The following GCNT1 variants were observed in gnomAD, a reference collection of about 807,000 sequenced individuals.
GCNT1 encodes the protein beta-1,3-galactosyl-O-glycosyl-glycoprotein beta-1,6-N-acetylglucosaminyltransferase.
Under a neutral mutation model 26.2 loss-of-function variants are expected in GCNT1, and 16 were observed. The observed-to-expected ratio is 0.61, with a 90% CI of 0.41 to 0.93. GCNT1 has a LOEUF of 0.93. GCNT1 is among the 40% of genes least tolerant of loss of function. The pLI is 0.00. For synonymous variants in GCNT1, 183 were observed against 190.8 expected (o/e 0.96, Z 0.34); for missense variants, 477 against 526.7 (o/e 0.91, Z 0.92).
intron 2 of GCNT1, among the ~76,000 whole-genome samples, chr9:76,476,489 C>G (rs1320920947): frequency 3.3e-5 from 5 of 150,552 alleles, no homozygotes; most frequent in African/African-American, 1.2e-4. Context: ...TCAAAGTAGA[C>G]AATGAGATCT....
chr9:76,487,464 T>A (rs1824610112), intron 2 of GCNT1, among the ~76,000 whole-genome samples: 2 of 152,266 alleles, frequency 1.3e-5, no homozygotes, highest in South Asian at 4.1e-4. Context: ...GGGCAATAGG[T>A]TGGTGACCCA....
chr9:76,496,278 G>C (rs181064259), intron 2 of GCNT1, among the ~76,000 whole-genome samples: 172 of 152,242 alleles, frequency 1.1e-3, no homozygotes, highest in Non-Finnish European at 1.9e-3. Context: ...TGGATACTTT[G>C]AACAAAACAA....
In GCNT1 at chr9:76,429,747, C is replaced by T. The variant is rs372271683; in HGVS notation, n.38+9860C>T. On this transcript the variant is annotated intron_variant and non_coding_transcript_variant, in intron 1 of 3. Transcript: ENST00000488136. ...TTTTTTTTTTTTTGAGACGGAGTCT[C>T]GCTGTCTCCTAGGCTGGAGTTCAGT... Among the ~76,000 whole-genome samples the T allele has an allele frequency of 8.3e-5, 12 of 143,726 alleles. No homozygotes were observed. In the East Asian group the frequency reaches 1.8e-3, roughly 22 times the overall value. 94.3% of individuals were successfully genotyped at this position (143,726 alleles called of 152,430 possible).
intron 2 of GCNT1, among the ~76,000 whole-genome samples, chr9:76,470,570 T>C (rs1464483897): frequency 7.0e-6 from 1 of 142,002 alleles, no homozygotes; most frequent in East Asian, 2.0e-4. Flanking sequence ...GGCCACCACA[T>C]TCAAGCCTGG....
At chr9:76,488,450 T>C (rs590666) in intron 2 of GCNT1, among the ~76,000 whole-genome samples, 90,095 of 151,978 alleles carry the variant, frequency 0.59, 27,395 homozygotes, top group African/African-American at 0.72. Flanking sequence ...TAACTCGCTG[T>C]GAGTGTTTCT....
chr9:76,476,287 G>A (rs1824249885), intron 2 of GCNT1, among the ~76,000 whole-genome samples: 1 of 152,058 alleles, frequency 6.6e-6, no homozygotes, highest in Non-Finnish European at 1.5e-5. Context: ...ACACAGGATG[G>A]GTGACCTCAG....
the GCNT1 span, among the ~76,000 whole-genome samples, chr9:76,401,724 A>G: frequency 6.6e-6 from 1 of 152,164 alleles, no homozygotes; most frequent in African/African-American, 2.4e-5. Context: ...TCTAGCTTAT[A>G]TAAACTTCAA....
chr9:76,455,893 A>G (rs1823752182), upstream of GCNT1, among the ~76,000 whole-genome samples: 1 of 152,202 alleles, frequency 6.6e-6, no homozygotes, highest in African/African-American at 2.4e-5. Flanking sequence ...ATAAGCCACC[A>G]TGCCCTGCCT....
At chr9:76,399,337 A>G in the GCNT1 span, 2 of 1,475,254 alleles carry the variant, frequency 1.4e-6, no homozygotes, top group Non-Finnish European at 1.9e-6. Flanking sequence ...TTGAAAAAGA[A>G]GAGCAGGCTG....
intron 1 of GCNT1, among the ~76,000 whole-genome samples, chr9:76,435,238 T>C (rs953117244): frequency 1.3e-5 from 2 of 152,090 alleles, no homozygotes; most frequent in South Asian, 2.1e-4. Flanking sequence ...GCGGCTCGGG[T>C]GGGCATCATG....
Position 76,502,424 on chromosome 9 carries a change from A to C in GCNT1, c.43A>C (p.Thr15Pro), listed in dbSNP as rs1004307391. 3 of 1,613,226 alleles carry C rather than the reference A, an allele frequency of 1.9e-6. No homozygotes were observed. Among genetic ancestry groups the C allele is most frequent in the Admixed American group, 1.7e-5 (1 of 59,826 alleles). The part of the protein sequence containing the change: ...LLRRRLFSYP[T>P]KYYFMVLVLS... ...GCGAAGGAGACTTTTTTCTTATCCC[A>C]CCAAATACTACTTTATGGTTCTTGT... The change falls in exon 4 of 4, where the codon ACC (threonine) becomes CCC (proline). Residue 15 changes from threonine to proline, a missense_variant. By Grantham distance (38) the Thr-to-Pro change is conservative. Transcript: ENST00000376730.
At chr9:76,496,871 G>A (rs1257506302) in intron 2 of GCNT1, among the ~76,000 whole-genome samples, 1 of 152,018 alleles carries the variant, frequency 6.6e-6, no homozygotes, top group African/African-American at 2.4e-5. Flanking sequence ...AAATTATATA[G>A]GGTAGTGTCC....
the GCNT1 span, among the ~76,000 whole-genome samples, chr9:76,413,238 A>G: frequency 2.6e-5 from 4 of 152,236 alleles, no homozygotes; most frequent in African/African-American, 9.6e-5. Context: ...TGGTAGAAAT[A>G]AACTGGACAC....
intron 2 of GCNT1, among the ~76,000 whole-genome samples, chr9:76,471,552 T>C (rs77673226): frequency 0.018 from 2,739 of 152,222 alleles, 68 homozygotes; most frequent in African/African-American, 0.063. Flanking sequence ...CCCACCAATT[T>C]TGTTGTTGAT....
At chr9:76,465,008 A>G (rs1172539092) in intron 2 of GCNT1, among the ~76,000 whole-genome samples, 2 of 149,612 alleles carry the variant, frequency 1.3e-5, no homozygotes, top group African/African-American at 2.5e-5. Context: ...CAGTCTTGCT[A>G]TGTTGCTCGG....
At chr9:76,419,668 AAAAG>A (rs143744446), upstream of GCNT1, among the ~76,000 whole-genome samples, 2,631 of 152,306 alleles carry the variant, frequency 0.017, 74 homozygotes, top group African/African-American at 0.059. Context: ...AAAAAAATAA[AAAAG>A]AAAGAGAAAG....
intron 1 of GCNT1, among the ~76,000 whole-genome samples, chr9:76,426,647 G>A (rs141269162): frequency 0.035 from 5,282 of 152,126 alleles, 120 homozygotes; most frequent in East Asian, 0.061. Flanking sequence ...CTGTAATCCC[G>A]CACTTTGGGA....
chr9:76,499,062 A>G (rs907893520), intron 2 of GCNT1, among the ~76,000 whole-genome samples: 5 of 124,990 alleles, frequency 4.0e-5, no homozygotes, highest in Non-Finnish European at 6.8e-5. Flanking sequence ...TTTTTTTTTA[A>G]TTTATCTGGG....
intron 1 of GCNT1, among the ~76,000 whole-genome samples, chr9:76,426,330 G>A (rs1042976879): frequency 6.6e-6 from 1 of 152,170 alleles, no homozygotes; most frequent in African/African-American, 2.4e-5. Flanking sequence ...CCCTTTGGGA[G>A]GCCAATGTAG....
Sources: allele counts gnomAD v4.1 joint callset (sites outside exome capture counted in the v4.1 genomes callset), GRCh38; gene constraint gnomAD v4.1.1; transcripts MANE v1.5; gene names NCBI Gene and HGNC (gene_info 2026-07-23, HGNC 2026-07-21).